PSMB7: variants seen among roughly 807,000 people sequenced by gnomAD.
PSMB7 encodes the protein proteasome 20S subunit beta 7.
Under a neutral mutation model 28.1 loss-of-function variants are expected in PSMB7, and 5 were observed. The observed-to-expected ratio is 0.18, with a 90% CI of 0.09 to 0.37. The LOEUF (loss-of-function observed/expected upper bound fraction) is 0.37, where lower values mean the gene tolerates loss of function less well. Ranked by LOEUF, PSMB7 falls within the 10% of genes least tolerant of loss-of-function variation. The pLI, the probability that PSMB7 is intolerant of heterozygous loss-of-function variation, is 1.00. For missense variants in PSMB7, 275 were observed against 346.2 expected, an observed-to-expected ratio of 0.79 and a Z score of 1.63; for synonymous variants, 122 against 123.7, an observed-to-expected ratio of 0.99 and a Z score of 0.09.
At chr9:124,405,077 T>C (rs941512942) in intron 5 of PSMB7, among the ~76,000 whole-genome samples, 1 of 152,180 alleles carries the variant, frequency 6.6e-6, no homozygotes, top group Middle Eastern at 3.2e-3. Flanking sequence ...TATTGTCTAT[T>C]TACCCTCACT....
At chr9:124,411,108 T>G (rs1456942133) in intron 4 of PSMB7, among the ~76,000 whole-genome samples, 1 of 152,154 alleles carries the variant, frequency 6.6e-6, no homozygotes, top group East Asian at 1.9e-4. Context: ...CCCAAGTAGC[T>G]GGGATTACAG....
chr9:124,387,554 G>T (rs1309251783), intron 5 of PSMB7, among the ~76,000 whole-genome samples: 1 of 152,046 alleles, frequency 6.6e-6, no homozygotes, highest in East Asian at 1.9e-4. Context: ...ACCTGATTCT[G>T]CTTCCCATGA....
At chr9:124,378,507 T>C (rs1830635438) in intron 6 of PSMB7, among the ~76,000 whole-genome samples, 1 of 152,188 alleles carries the variant, frequency 6.6e-6, no homozygotes, top group Non-Finnish European at 1.5e-5. Context: ...CTTTGAATCA[T>C]CTCCCTGTGA....
intron 6 of PSMB7, among the ~76,000 whole-genome samples, chr9:124,381,172 G>A (rs201247744): frequency 2.6e-5 from 4 of 152,248 alleles, no homozygotes; most frequent in South Asian, 2.1e-4. Context: ...TAGAGATGAC[G>A]GGAACACAAG....
At chr9:124,396,361 G>C (rs754943881) in intron 5 of PSMB7, among the ~76,000 whole-genome samples, 1 of 151,938 alleles carries the variant, frequency 6.6e-6, no homozygotes, top group African/African-American at 2.4e-5. Flanking sequence ...GTACTTTAGC[G>C]TAACGATGGC....
At chr9:124,380,006 TGGA>T (rs1201230881) in intron 6 of PSMB7, among the ~76,000 whole-genome samples, 1 of 152,216 alleles carries the variant, frequency 6.6e-6, no homozygotes, top group Non-Finnish European at 1.5e-5. Flanking sequence ...CTCACTGGCA[TGGA>T]GGAGATGCCT....
intron 6 of PSMB7, among the ~76,000 whole-genome samples, chr9:124,369,283 C>A: frequency 6.6e-6 from 1 of 152,162 alleles, no homozygotes; most frequent in East Asian, 1.9e-4. Flanking sequence ...CTAACAGACA[C>A]CCACAAGTAA....
intron 6 of PSMB7, chr9:124,383,474 G>A (rs1830689030): frequency 6.6e-6 from 1 of 152,132 alleles, no homozygotes; most frequent in African/African-American, 2.4e-5. Context: ...TATCTGTCCT[G>A]GCTGATCAGT....
rs777476094 is a variant in PSMB7, at chr9:124,401,307, CCTCT to C, written c.511+4006_511+4009del. ...CCAGCCACACACTCCTTCCTATTAT[CCTCT>C]CTAATGACTGTTCTTTTCCTCTGGG... On this transcript the variant is annotated intron_variant, in intron 5 of 7. Transcript: ENST00000259457. 5.9e-5 allele frequency among the ~76,000 whole-genome samples: 9 copies of C among 152,236 alleles called. No individual in the cohort carries two copies. The East Asian group carries it at 1.2e-3, about 20-fold the overall frequency.
intron 4 of PSMB7, among the ~76,000 whole-genome samples, chr9:124,408,034 G>A (rs1427034127): frequency 6.6e-6 from 1 of 152,090 alleles, no homozygotes; most frequent in East Asian, 1.9e-4. Flanking sequence ...ATGGTGGCGT[G>A]GGCCTTTAGT....
intron 4 of PSMB7, among the ~76,000 whole-genome samples, chr9:124,411,416 G>A (rs1211897306): frequency 2.0e-5 from 3 of 152,116 alleles, no homozygotes; most frequent in Non-Finnish European, 2.9e-5. Flanking sequence ...CTGTCTATCC[G>A]TGCTCCCCTT....
At chr9:124,394,835 A>G (rs1028181696) in intron 5 of PSMB7, among the ~76,000 whole-genome samples, 5 of 152,156 alleles carry the variant, frequency 3.3e-5, no homozygotes, top group Non-Finnish European at 1.5e-5. Context: ...AAGAAACAAG[A>G]TGCATTCATT....
intron 4 of PSMB7, 31 bp from the exon 5 acceptor site, chr9:124,405,463 A>C (rs74699968): frequency 7.0e-7 from 1 of 1,431,126 alleles, no homozygotes; most frequent in African/African-American, 1.4e-5. Context: ...AAGAAAAAAA[A>C]CATGAGTCCA....
intron 3 of PSMB7, among the ~76,000 whole-genome samples, chr9:124,413,176 G>A (rs10760360): frequency 1.3e-3 from 152 of 114,146 alleles, no homozygotes; most frequent in Middle Eastern, 5.9e-3. Context: ...AAAAAAAAAA[G>A]AACGAAAAAA....
intron 5 of PSMB7, among the ~76,000 whole-genome samples, chr9:124,400,395 A>G (rs1830890193): frequency 6.6e-6 from 1 of 152,228 alleles, no homozygotes; most frequent in African/African-American, 2.4e-5. Context: ...ATTTGGCAAT[A>G]GCTCTCAAAA....
At chr9:124,391,018 T>G (rs1830781685) in intron 5 of PSMB7, among the ~76,000 whole-genome samples, 1 of 152,194 alleles carries the variant, frequency 6.6e-6, no homozygotes, top group Non-Finnish European at 1.5e-5. Context: ...AGAGGTACAA[T>G]CATCTTAATA....
chr9:124,365,450 T>C lies in PSMB7; in HGVS notation c.571-8535A>G, dbSNP rs531920857. Among the ~76,000 whole-genome samples the C allele has an allele frequency of 7.9e-5, 12 of 152,138 alleles. No individual in the cohort carries two copies. In the East Asian group the frequency reaches 2.3e-3, roughly 29 times the overall value. Reference sequence around the variant, plus strand: ...AAGGAGAAAGGTGTGGTCGAGTAGGTAGTTCAGTGTGGCTGATTGCCAGAG... The same window carrying C: ...AAGGAGAAAGGTGTGGTCGAGTAGGCAGTTCAGTGTGGCTGATTGCCAGAG... On this transcript the variant is annotated intron_variant, in intron 6 of 7. Coordinates refer to ENST00000259457, the MANE Select transcript of PSMB7 (RefSeq NM_002799.4).
chr9:124,393,097 T>C (rs1830806519), intron 5 of PSMB7, among the ~76,000 whole-genome samples: 1 of 152,174 alleles, frequency 6.6e-6, no homozygotes, highest in Admixed American at 6.5e-5. Context: ...CATCTCCTAG[T>C]ACTGGTGCTT....
chr9:124,377,243 C>T (rs1225921753), intron 6 of PSMB7, among the ~76,000 whole-genome samples: 1 of 152,192 alleles, frequency 6.6e-6, no homozygotes, highest in Non-Finnish European at 1.5e-5. Flanking sequence ...GACAAGGATG[C>T]CCCTCTTCCC....
Sources: gnomAD v4.1 joint callset for allele counts (sites outside exome capture counted in the v4.1 genomes callset) on GRCh38, gnomAD v4.1.1 for gene constraint, MANE v1.5 for transcripts, NCBI Gene and HGNC (gene_info 2026-07-23, HGNC 2026-07-21) for gene names.